SGMS1: variants seen among roughly 807,000 people sequenced by gnomAD.
SGMS1 encodes phosphatidylcholine:ceramide cholinephosphotransferase 1.
SGMS1 carries 13 observed loss-of-function variants against 46.2 expected under a neutral mutation model. The observed-to-expected ratio is 0.28, with a 90% confidence interval of 0.18 to 0.45. The LOEUF (loss-of-function observed/expected upper bound fraction) is 0.45. Ranked by LOEUF, SGMS1 falls within the 20% of genes least tolerant of loss-of-function variation. The pLI is 1.00. For missense variants in SGMS1, 324 were observed against 519.9 expected (o/e 0.62, Z 3.66); for synonymous variants, 203 against 187.8 (o/e 1.08, Z -0.66).
chr10:50,607,958 C>T (rs1034842515), intron 1 of SGMS1, among the ~76,000 whole-genome samples: 3 of 152,236 alleles, frequency 2.0e-5, no homozygotes, highest in Non-Finnish European at 4.4e-5. Context: ...CCTCCTCCAA[C>T]TCAGATCAAA....
chr10:50,495,031 G>A (rs1267105018), intron 3 of SGMS1, among the ~76,000 whole-genome samples: 2 of 127,572 alleles, frequency 1.6e-5, no homozygotes, highest in East Asian at 2.1e-4. Flanking sequence ...GCGAGACTCC[G>A]TCTCAAAAAA....
chr10:50,369,803 C>T (rs1024999029), intron 6 of SGMS1, among the ~76,000 whole-genome samples: 2 of 152,188 alleles, frequency 1.3e-5, no homozygotes, highest in Non-Finnish European at 2.9e-5. Flanking sequence ...CGACGAGATA[C>T]CTTCTAAGAA....
intron 8 of SGMS1, among the ~76,000 whole-genome samples, chr10:50,314,936 A>C (rs2842089): frequency 0.082 from 12,507 of 152,160 alleles, 1,219 homozygotes; most frequent in East Asian, 0.33. Context: ...AAGAAAGCAA[A>C]AAACTGGAAA....
chr10:50,375,923 C>G (rs1472113829), intron 6 of SGMS1, among the ~76,000 whole-genome samples: 1 of 152,156 alleles, frequency 6.6e-6, no homozygotes, highest in Non-Finnish European at 1.5e-5. Context: ...ACTCAAACTC[C>G]TGGATTCAAG....
chr10:50,543,396 T>C (rs1470561716), intron 2 of SGMS1, among the ~76,000 whole-genome samples: 25 of 152,212 alleles, frequency 1.6e-4, no homozygotes, highest in Admixed American at 1.6e-3. Context: ...GATATACACA[T>C]TACATAGTTA....
At chr10:50,527,198 G>C (rs2339508) in intron 2 of SGMS1, among the ~76,000 whole-genome samples, 128,138 of 152,134 alleles carry the variant, frequency 0.84, 54,083 homozygotes, top group East Asian at 1. Context: ...GCATGGAGCA[G>C]TGGGGTAGGC....
intron 6 of SGMS1, among the ~76,000 whole-genome samples, chr10:50,383,057 G>C (rs1048702328): frequency 2.0e-5 from 3 of 152,056 alleles, no homozygotes; most frequent in African/African-American, 7.2e-5. Flanking sequence ...TTTTTTAAAG[G>C]AAGAAACGTA....
chr10:50,578,782 C>T (rs1056236211), intron 2 of SGMS1, among the ~76,000 whole-genome samples: 10 of 152,060 alleles, frequency 6.6e-5, no homozygotes, highest in Non-Finnish European at 1.3e-4. Context: ...TCCTAAAACC[C>T]CAACACCACA....
At chr10:50,469,692 T>A (rs1837361781) in intron 3 of SGMS1, among the ~76,000 whole-genome samples, 1 of 152,118 alleles carries the variant, frequency 6.6e-6, no homozygotes, top group African/African-American at 2.4e-5. Context: ...GGGAGTGTGG[T>A]ACAGAATAAG....
chr10:50,588,803 C>T (rs1230746335), intron 2 of SGMS1, among the ~76,000 whole-genome samples: 8 of 145,298 alleles, frequency 5.5e-5, no homozygotes, highest in African/African-American at 2.1e-4. Flanking sequence ...GATCTCGGCT[C>T]ACCGCAACCT....
At chr10:50,615,247 T>C (rs1429149867) in intron 1 of SGMS1, among the ~76,000 whole-genome samples, 1 of 152,160 alleles carries the variant, frequency 6.6e-6, no homozygotes, top group East Asian at 1.9e-4. Context: ...TCCAACCAGG[T>C]CTTTCCGGAC....
chr10:50,318,677 C>G (rs762345863), intron 8 of SGMS1, among the ~76,000 whole-genome samples: 13 of 152,140 alleles, frequency 8.5e-5, no homozygotes, highest in Non-Finnish European at 1.5e-4. Flanking sequence ...GGTTTTTACT[C>G]ACAAATATTA....
intron 5 of SGMS1, among the ~76,000 whole-genome samples, chr10:50,442,099 C>T (rs1056666506): frequency 1.9e-4 from 29 of 151,434 alleles, no homozygotes; most frequent in African/African-American, 3.9e-4. Flanking sequence ...ATGTGCAGAA[C>T]GCATGGGTTT....
chr10:50,592,499 A>G (rs945612928), intron 1 of SGMS1, among the ~76,000 whole-genome samples: 2 of 152,140 alleles, frequency 1.3e-5, no homozygotes, highest in Non-Finnish European at 1.5e-5. Flanking sequence ...TAATATCACA[A>G]TGGCCCTTCA....
intron 5 of SGMS1, among the ~76,000 whole-genome samples, chr10:50,441,718 G>A (rs1056635143): frequency 3.3e-5 from 5 of 152,098 alleles, no homozygotes; most frequent in African/African-American, 9.7e-5. Flanking sequence ...TAAATAAAAC[G>A]CACACAGATA....
intron 3 of SGMS1, among the ~76,000 whole-genome samples, chr10:50,503,837 G>A (rs1483354499): frequency 1.3e-5 from 2 of 152,220 alleles, no homozygotes; most frequent in African/African-American, 4.8e-5. Flanking sequence ...ACTAGGGCCT[G>A]AGAGACTGGG....
chr10:50,496,115 T>G (rs957136387), intron 3 of SGMS1, among the ~76,000 whole-genome samples: 2 of 152,222 alleles, frequency 1.3e-5, no homozygotes, highest in African/African-American at 4.8e-5. Context: ...AGTTCCTTGC[T>G]TCTCTGCAAA....
At chr10:50,449,637 G>C (rs1837074656) in intron 5 of SGMS1, among the ~76,000 whole-genome samples, 1 of 108,816 alleles carries the variant, frequency 9.2e-6, no homozygotes, top group African/African-American at 3.8e-5. Flanking sequence ...AATAGTGTGT[G>C]CACGTGTGTG....
At chr10:50,556,232 T>A (rs2133839052) in intron 2 of SGMS1, among the ~76,000 whole-genome samples, 1 of 152,318 alleles carries the variant, frequency 6.6e-6, no homozygotes, top group South Asian at 2.1e-4. Context: ...AACAAATAAC[T>A]ACAGAGCCTC....
Sources: gnomAD v4.1 joint callset for allele counts (sites outside exome capture counted in the v4.1 genomes callset) on GRCh38, gnomAD v4.1.1 for gene constraint, MANE v1.5 for transcripts, NCBI Gene and HGNC (gene_info 2026-07-23, HGNC 2026-07-21) for gene names.